The following MARCHF1 variants were observed in gnomAD, a reference collection of about 807,000 sequenced individuals.
MARCHF1 encodes E3 ubiquitin-protein ligase MARCHF1.
MARCHF1 carries 40 observed loss-of-function variants against 54.2 expected under a neutral mutation model. The observed-to-expected ratio is 0.74, with a 90% confidence interval of 0.57 to 0.96. MARCHF1 has a LOEUF of 0.96. Ranked by LOEUF, MARCHF1 falls within the 40% of genes least tolerant of loss-of-function variation. MARCHF1 has a pLI of 0.00. For synonymous variants in MARCHF1, 236 were observed against 236.3 expected (o/e 1.00, Z 0.01); for missense variants, 586 against 656.5 (o/e 0.89, Z 1.17).
At chr4:163,808,538 G>A (rs997646704) in intron 4 of MARCHF1, among the ~76,000 whole-genome samples, 6 of 152,130 alleles carry the variant, frequency 3.9e-5, no homozygotes, top group African/African-American at 1.4e-4. Flanking sequence ...GTAATGTGAG[G>A]GGAAAGACAC....
chr4:163,572,561 C>T (rs751615446), intron 8 of MARCHF1, among the ~76,000 whole-genome samples: 2 of 152,004 alleles, frequency 1.3e-5, no homozygotes, highest in African/African-American at 2.4e-5. Context: ...TTAAGCTATG[C>T]TCCTTATATT....
chr4:163,660,614 G>A (rs180757208), intron 5 of MARCHF1, among the ~76,000 whole-genome samples: 12 of 151,472 alleles, frequency 7.9e-5, no homozygotes, highest in East Asian at 1.9e-4. Context: ...AAAAAGTTGC[G>A]TTAAAGCACA....
intron 2 of MARCHF1, among the ~76,000 whole-genome samples, chr4:164,044,671 T>C (rs775493649): frequency 2.3e-4 from 35 of 152,272 alleles, no homozygotes; most frequent in Non-Finnish European, 2.5e-4. Context: ...ACTTGCTTTC[T>C]ATCTTTCTCT....
intron 5 of MARCHF1, among the ~76,000 whole-genome samples, chr4:163,645,080 C>A (rs772215849): frequency 5.9e-5 from 9 of 152,146 alleles, no homozygotes; most frequent in Admixed American, 2.0e-4. Context: ...CTCCCAGGAA[C>A]CTGGAGGAAG....
At chr4:163,622,004 T>C (rs1328737201) in intron 5 of MARCHF1, among the ~76,000 whole-genome samples, 2 of 152,048 alleles carry the variant, frequency 1.3e-5, no homozygotes, top group African/African-American at 4.8e-5. Flanking sequence ...CTGAGGCAGA[T>C]GGACCTGAGA....
At position 164,245,046 on chromosome 4, in the gene MARCHF1, C is replaced by T. The variant is rs535433289; in HGVS notation, c.-322-133384G>A. Among the ~76,000 whole-genome samples, 349 of 152,254 alleles carry T rather than the reference C, an allele frequency of 2.3e-3. 1 individual carries two copies. Among genetic ancestry groups the T allele is most frequent in the Non-Finnish European group, 4.2e-3 (285 of 68,028 alleles). On this transcript the variant is annotated intron_variant, in intron 1 of 9. Coordinates refer to ENST00000514618, the MANE Select transcript of MARCHF1 (RefSeq NM_001394959.1). ...CCAGAGGTACAAGGAGGAACTGGTA[C>T]CATTCCTTCTGAAACTATTCCAATC...
At chr4:164,056,165 G>T (rs1754484893) in intron 2 of MARCHF1, among the ~76,000 whole-genome samples, 1 of 152,118 alleles carries the variant, frequency 6.6e-6, no homozygotes, top group Non-Finnish European at 1.5e-5. Context: ...GGCTCTGTGT[G>T]CTCTGTCTCC....
chr4:164,258,707 A>AAGTGT (rs1424827558), intron 1 of MARCHF1, among the ~76,000 whole-genome samples: 5 of 152,170 alleles, frequency 3.3e-5, no homozygotes, highest in South Asian at 2.1e-4. Flanking sequence ...TATCAAAATA[A>AAGTGT]AGTGTATCTC....
chr4:163,903,482 T>C (rs1273533608), intron 3 of MARCHF1, among the ~76,000 whole-genome samples: 1 of 152,224 alleles, frequency 6.6e-6, no homozygotes, highest in Non-Finnish European at 1.5e-5. Flanking sequence ...AAATAGATGA[T>C]TTGTATGTTT....
chr4:163,807,034 T>A (rs753614116), intron 4 of MARCHF1, among the ~76,000 whole-genome samples: 43 of 152,166 alleles, frequency 2.8e-4, no homozygotes, highest in South Asian at 1.0e-3. Context: ...ATATGCAAAA[T>A]AAATAGCAGA....
At chr4:163,644,037 C>G (rs1742661036) in intron 5 of MARCHF1, among the ~76,000 whole-genome samples, 1 of 137,184 alleles carries the variant, frequency 7.3e-6, no homozygotes, top group South Asian at 2.3e-4. Flanking sequence ...ATGCCCACGC[C>G]TCTTCAAAAT....
intron 4 of MARCHF1, among the ~76,000 whole-genome samples, chr4:163,802,275 C>T (rs576665719): frequency 6.6e-6 from 1 of 152,170 alleles, no homozygotes; most frequent in South Asian, 2.1e-4. Context: ...TGTGTTTTTC[C>T]CCACTAAACC....
At chr4:163,878,419 G>A (rs1750340730) in intron 3 of MARCHF1, among the ~76,000 whole-genome samples, 2 of 152,190 alleles carry the variant, frequency 1.3e-5, no homozygotes, top group African/African-American at 4.8e-5. Context: ...CTTTTGGGTT[G>A]TCTGGGTTTT....
intron 1 of MARCHF1, among the ~76,000 whole-genome samples, chr4:164,304,772 A>T (rs758798281): frequency 6.6e-6 from 1 of 152,166 alleles, no homozygotes; most frequent in South Asian, 2.1e-4. Context: ...TTGTGTTCAC[A>T]TGCTACAGTT....
chr4:164,190,213 A>T, intron 1 of MARCHF1: 2 of 1,495,508 alleles, frequency 1.3e-6, no homozygotes, highest in South Asian at 2.4e-5. Context: ...GCTGACATTG[A>T]AGACTTCGAA....
chr4:164,081,243 A>AAAAAAAAT (rs1553978609), intron 2 of MARCHF1, among the ~76,000 whole-genome samples: 2 of 145,250 alleles, frequency 1.4e-5, no homozygotes, highest in Non-Finnish European at 3.0e-5. Flanking sequence ...AAAAAGAAAT[A>AAAAAAAAT]TTATTTGCAT....
At chr4:163,563,808 T>C (rs1487182330) in intron 8 of MARCHF1, among the ~76,000 whole-genome samples, 3 of 152,222 alleles carry the variant, frequency 2.0e-5, no homozygotes, top group Non-Finnish European at 2.9e-5. Flanking sequence ...GGCCGAATAT[T>C]GTAGTCATTA....
At chr4:164,092,245 C>T (rs964954784) in intron 2 of MARCHF1, among the ~76,000 whole-genome samples, 1 of 152,114 alleles carries the variant, frequency 6.6e-6, no homozygotes, top group African/African-American at 2.4e-5. Flanking sequence ...GTTGTACTCA[C>T]TGGAATAGAC....
At chr4:163,796,179 G>A (rs1247244465) in intron 4 of MARCHF1, among the ~76,000 whole-genome samples, 1 of 147,918 alleles carries the variant, frequency 6.8e-6, no homozygotes, top group Non-Finnish European at 1.5e-5. Context: ...ATATAAATAT[G>A]TAAATGTGTG....
Sources: allele counts gnomAD v4.1 joint callset (sites outside exome capture counted in the v4.1 genomes callset), GRCh38; gene constraint gnomAD v4.1.1; transcripts MANE v1.5; gene names NCBI Gene and HGNC (gene_info 2026-07-23, HGNC 2026-07-21).